LINGO2: variants seen among roughly 807,000 people sequenced by gnomAD.
LINGO2 encodes leucine rich repeat and Ig domain containing 2.
Under a neutral mutation model 30.6 loss-of-function variants are expected in LINGO2, and 14 were observed. That is an observed-to-expected ratio of 0.46 (90% CI 0.30 to 0.72). The LOEUF (loss-of-function observed/expected upper bound fraction) is 0.72, where lower values mean the gene tolerates loss of function less well. LINGO2 is among the 30% of genes least tolerant of loss of function. The pLI, the probability that LINGO2 is intolerant of heterozygous loss-of-function variation, is 0.07. For missense variants in LINGO2, 729 were observed against 751.7 expected, an observed-to-expected ratio of 0.97 and a Z score of 0.35; for synonymous variants, 317 against 288.5, an observed-to-expected ratio of 1.10 and a Z score of -1.00.
At chr9:28,892,819 G>A in the LINGO2 span, among the ~76,000 whole-genome samples, 1 of 151,952 alleles carries the variant, frequency 6.6e-6, no homozygotes, top group South Asian at 2.1e-4. Context: ...TGGAGAAATA[G>A]TGTTATGCTA....
intron 4 of LINGO2, among the ~76,000 whole-genome samples, chr9:28,016,324 C>A (rs1353313346): frequency 3.9e-5 from 6 of 152,124 alleles, no homozygotes; most frequent in Non-Finnish European, 7.4e-5. Context: ...CTTCCAAATA[C>A]TTAGGTCAGG....
intron 4 of LINGO2, among the ~76,000 whole-genome samples, chr9:28,256,066 C>A (rs1405345501): frequency 6.6e-6 from 1 of 151,966 alleles, no homozygotes; most frequent in Non-Finnish European, 1.5e-5. Flanking sequence ...TGATTAGATT[C>A]TCAAAGGGAT....
At chr9:28,868,405 G>T in the LINGO2 span, among the ~76,000 whole-genome samples, 7 of 152,026 alleles carry the variant, frequency 4.6e-5, no homozygotes, top group African/African-American at 1.4e-4. Flanking sequence ...GAGTGAGTGA[G>T]CATGTGTGTG....
the LINGO2 span, among the ~76,000 whole-genome samples, chr9:28,988,053 C>G: frequency 6.6e-6 from 1 of 152,096 alleles, no homozygotes; most frequent in African/African-American, 2.4e-5. Context: ...TTCATTTGGC[C>G]TGAAGTGTTG....
chr9:27,988,362 C>T (rs892585596), intron 5 of LINGO2, among the ~76,000 whole-genome samples: 1 of 152,006 alleles, frequency 6.6e-6, no homozygotes, highest in Non-Finnish European at 1.5e-5. Flanking sequence ...TGGGTATACA[C>T]CCAGTAATGG....
the LINGO2 span, among the ~76,000 whole-genome samples, chr9:28,883,145 C>T: frequency 2.5e-4 from 38 of 152,248 alleles, no homozygotes; most frequent in Non-Finnish European, 4.7e-4. Context: ...ACTCCTTCCT[C>T]CTTCACTCTC....
chr9:28,367,107 A>ATATATAT (rs1564153656), intron 3 of LINGO2, among the ~76,000 whole-genome samples: 1 of 135,902 alleles, frequency 7.4e-6, no homozygotes, highest in African/African-American at 2.8e-5. Context: ...TGGTTAAATC[A>ATATATAT]AAAGTCAGCA....
At chr9:28,933,077 T>G in the LINGO2 span, among the ~76,000 whole-genome samples, 1 of 152,028 alleles carries the variant, frequency 6.6e-6, no homozygotes, top group African/African-American at 2.4e-5. Context: ...TGGCTAATTT[T>G]TGTATTTTTA....
intron 2 of LINGO2, among the ~76,000 whole-genome samples, chr9:28,393,280 T>C (rs1351847695): frequency 2.6e-5 from 4 of 152,234 alleles, no homozygotes; most frequent in African/African-American, 9.6e-5. Flanking sequence ...GAATATAGGA[T>C]AAAAGGACAT....
the LINGO2 span, among the ~76,000 whole-genome samples, chr9:28,830,882 GCGCA>G: frequency 2.8e-4 from 43 of 151,312 alleles, no homozygotes; most frequent in Middle Eastern, 3.4e-3. Context: ...TTGCATGCGT[GCGCA>G]CGCACGCACA....
chr9:28,149,133 A>C, intron 4 of LINGO2: 1 of 1,492,068 alleles, frequency 6.7e-7, no homozygotes, highest in Non-Finnish European at 9.0e-7. Context: ...ATGTGTAAGA[A>C]CATGAGGGTG....
chr9:28,546,606 G>A (rs1189272082), intron 1 of LINGO2, among the ~76,000 whole-genome samples: 2 of 152,058 alleles, frequency 1.3e-5, no homozygotes, highest in African/African-American at 2.4e-5. Flanking sequence ...TACACAGAAA[G>A]GTGGAAAAAG....
At chr9:28,204,415 C>T (rs1368413971) in intron 4 of LINGO2, among the ~76,000 whole-genome samples, 2 of 152,248 alleles carry the variant, frequency 1.3e-5, no homozygotes, top group Admixed American at 1.3e-4. Flanking sequence ...TACTGTGATG[C>T]TCTTTCTTCA....
chr9:28,326,932 C>T (rs549309261), intron 3 of LINGO2, among the ~76,000 whole-genome samples: 4 of 152,244 alleles, frequency 2.6e-5, no homozygotes, highest in Admixed American at 1.3e-4. Flanking sequence ...CACCTCTTCA[C>T]ATCCAACAGG....
intron 4 of LINGO2, among the ~76,000 whole-genome samples, chr9:28,064,461 T>C (rs1004341121): frequency 2.6e-5 from 4 of 152,118 alleles, no homozygotes; most frequent in Non-Finnish European, 5.9e-5. Context: ...TATAGTAACC[T>C]AATAAGCTCC....
intron 1 of LINGO2, among the ~76,000 whole-genome samples, chr9:28,477,996 G>T (rs77639031): frequency 6.6e-6 from 1 of 152,166 alleles, no homozygotes; most frequent in South Asian, 2.1e-4. Context: ...ACCCTGGAAG[G>T]CTCTGAGACT....
intron 2 of LINGO2, among the ~76,000 whole-genome samples, chr9:28,420,479 C>T (rs1301462600): frequency 4.6e-5 from 7 of 152,060 alleles, no homozygotes; most frequent in East Asian, 3.9e-4. Context: ...TATAAAGATT[C>T]GCTTCATCTA....
the LINGO2 span, among the ~76,000 whole-genome samples, chr9:28,890,619 G>C: frequency 4.0e-3 from 602 of 152,130 alleles, 5 homozygotes; most frequent in African/African-American, 0.013. Context: ...ACTAGGGCTG[G>C]GGAAGGAAGT....
At chr9:28,037,986 G>A (rs1824017725) in intron 4 of LINGO2, among the ~76,000 whole-genome samples, 1 of 152,164 alleles carries the variant, frequency 6.6e-6, no homozygotes, top group South Asian at 2.1e-4. Context: ...AATTTTCCCA[G>A]GATTACACAG....
Sources: allele counts gnomAD v4.1 joint callset (sites outside exome capture counted in the v4.1 genomes callset), GRCh38; gene constraint gnomAD v4.1.1; transcripts MANE v1.5; gene names NCBI Gene and HGNC (gene_info 2026-07-23, HGNC 2026-07-21).